The following PTPRD variants were observed in gnomAD, a reference collection of about 807,000 sequenced individuals.
The protein encoded by PTPRD is protein tyrosine phosphatase receptor type D.
Under a neutral mutation model 214.5 loss-of-function variants are expected in PTPRD, and 34 were observed. That is an observed-to-expected ratio of 0.16 (90% CI 0.12 to 0.21). The LOEUF is 0.21. Among genes scored for constraint, PTPRD ranks in the 10% least tolerant of loss-of-function variants. The pLI is 1.00. For synonymous variants in PTPRD, 1,128 were observed against 845.7 expected (o/e 1.33, Z -5.79); for missense variants, 2,545 against 2,398.7 (o/e 1.06, Z -1.27).
intron 7 of PTPRD, among the ~76,000 whole-genome samples, chr9:9,719,542 C>T (rs2097897963): frequency 8.4e-6 from 1 of 119,558 alleles, no homozygotes; most frequent in Non-Finnish European, 1.6e-5. Flanking sequence ...AAACAGGAAG[C>T]AGCAGCGAGG....
At chr9:10,410,253 G>GTATATATA (rs34284610) in intron 2 of PTPRD, among the ~76,000 whole-genome samples, 49,061 of 126,690 alleles carry the variant, frequency 0.39, 9,924 homozygotes, top group Non-Finnish European at 0.44. Flanking sequence ...CATATTTTGT[G>GTATATATA]TATATATATA....
chr9:8,494,287 G>C (rs1049510549), intron 26 of PTPRD, among the ~76,000 whole-genome samples: 2 of 152,108 alleles, frequency 1.3e-5, no homozygotes, highest in African/African-American at 2.4e-5. Flanking sequence ...TCTCAAAAGA[G>C]TAGGAATATC....
At chr9:9,493,919 T>C (rs2096049934) in intron 8 of PTPRD, among the ~76,000 whole-genome samples, 2 of 152,294 alleles carry the variant, frequency 1.3e-5, no homozygotes, top group South Asian at 4.1e-4. Context: ...AGAAAAAATT[T>C]AGATTTTATT....
intron 11 of PTPRD, among the ~76,000 whole-genome samples, chr9:8,880,167 T>G (rs1474537057): frequency 6.6e-6 from 1 of 152,138 alleles, no homozygotes; most frequent in African/African-American, 2.4e-5. Context: ...GTCATAGCCC[T>G]GAGAAAACCC....
At chr9:10,194,546 C>T (rs2099389849) in intron 3 of PTPRD, among the ~76,000 whole-genome samples, 2 of 151,882 alleles carry the variant, frequency 1.3e-5, no homozygotes, top group Admixed American at 6.6e-5. Flanking sequence ...GTTTGAATTA[C>T]TCCTATTCTG....
chr9:10,013,190 C>G (rs747049233), intron 4 of PTPRD, among the ~76,000 whole-genome samples: 2 of 151,654 alleles, frequency 1.3e-5, no homozygotes, highest in Admixed American at 6.6e-5. Context: ...AGAATAAAAG[C>G]CTTCAGAAGT....
intron 10 of PTPRD, among the ~76,000 whole-genome samples, chr9:9,045,294 A>G (rs899989360): frequency 6.6e-6 from 1 of 152,074 alleles, no homozygotes; most frequent in Non-Finnish European, 1.5e-5. Flanking sequence ...TGATTAGAGG[A>G]TGCTCTTCAT....
intron 7 of PTPRD, among the ~76,000 whole-genome samples, chr9:9,633,514 TAA>T (rs986217078): frequency 8.3e-6 from 1 of 121,178 alleles, no homozygotes; most frequent in African/African-American, 3.3e-5. Flanking sequence ...GATGTAAGGT[TAA>T]AAGTGATTAT....
chr9:9,000,882 G>T (rs1046116534), intron 11 of PTPRD, among the ~76,000 whole-genome samples: 8 of 151,894 alleles, frequency 5.3e-5, no homozygotes, highest in African/African-American at 9.7e-5. Flanking sequence ...GTGGATTTTG[G>T]CCAGAGTATA....
intron 11 of PTPRD, among the ~76,000 whole-genome samples, chr9:8,776,886 AAT>A (rs200512120): frequency 0.044 from 6,420 of 147,424 alleles, 216 homozygotes; most frequent in African/African-American, 0.088. Flanking sequence ...ATAGTATATG[AAT>A]ATTATATAAT....
At chr9:8,575,041 T>C (rs1034166817) in intron 14 of PTPRD, among the ~76,000 whole-genome samples, 1 of 152,050 alleles carries the variant, frequency 6.6e-6, no homozygotes, top group South Asian at 2.1e-4. Flanking sequence ...CGTTTGCAAA[T>C]AGATCACACT....
At chr9:10,548,207 T>A (rs926406319) in intron 2 of PTPRD, among the ~76,000 whole-genome samples, 1 of 152,154 alleles carries the variant, frequency 6.6e-6, no homozygotes. Context: ...ATATATTAAT[T>A]GACTCAAGAT....
intron 5 of PTPRD, among the ~76,000 whole-genome samples, chr9:9,857,908 CT>C (rs201356786): frequency 2.7e-5 from 4 of 148,174 alleles, no homozygotes; most frequent in East Asian, 1.9e-4. Context: ...TAATACTCTA[CT>C]TTTTTCATAA....
Position 8,414,056 on chromosome 9 carries a change from G to A in PTPRD, c.4087-9396C>T, listed in dbSNP as rs151078258. Among the ~76,000 whole-genome samples, 4 of 152,142 alleles carry A rather than the reference G, an allele frequency of 2.6e-5. No homozygotes were observed. In the East Asian group the frequency reaches 5.8e-4, roughly 22 times the overall value. ...CAGTGAATTTTAAAATGTATTTGTG[G>A]AATGAATAGCTAAGATACATTACAG... On this transcript the variant is annotated intron_variant, in intron 35 of 45. Coordinates refer to ENST00000381196, the MANE Select transcript of PTPRD (RefSeq NM_002839.4).
At chr9:9,519,647 AG>A (rs1407136890) in intron 8 of PTPRD, among the ~76,000 whole-genome samples, 1 of 152,056 alleles carries the variant, frequency 6.6e-6, no homozygotes, top group African/African-American at 2.4e-5. Context: ...GCATAACAAA[AG>A]GTATGCAAAA....
chr9:8,386,001 G>A (rs75512324), intron 37 of PTPRD, among the ~76,000 whole-genome samples: 1 of 152,256 alleles, frequency 6.6e-6, no homozygotes, highest in South Asian at 2.1e-4. Context: ...ATTATTTGGA[G>A]GCTATCTTTT....
intron 21 of PTPRD, among the ~76,000 whole-genome samples, chr9:8,515,901 G>T (rs1157177643): frequency 1.3e-5 from 2 of 152,068 alleles, no homozygotes; most frequent in African/African-American, 4.8e-5. Context: ...TCTATAAGGT[G>T]GTTATTATTA....
At chr9:8,437,483 AC>A (rs2095400370) in intron 34 of PTPRD, among the ~76,000 whole-genome samples, 1 of 152,160 alleles carries the variant, frequency 6.6e-6, no homozygotes, top group Non-Finnish European at 1.5e-5. Flanking sequence ...ATGCACCACG[AC>A]TCACTGACGA....
chr9:9,751,902 G>A (rs868549158), intron 6 of PTPRD, among the ~76,000 whole-genome samples: 10 of 152,216 alleles, frequency 6.6e-5, no homozygotes, highest in African/African-American at 2.4e-4. Flanking sequence ...TATAAAGCAT[G>A]TCACACAGGA....
Sources: gnomAD v4.1 joint callset for allele counts (sites outside exome capture counted in the v4.1 genomes callset) on GRCh38, gnomAD v4.1.1 for gene constraint, MANE v1.5 for transcripts, NCBI Gene and HGNC (gene_info 2026-07-23, HGNC 2026-07-21) for gene names.